The following PPP4R4 variants were observed in gnomAD, a reference collection of about 807,000 sequenced individuals.
PPP4R4 encodes protein phosphatase 4 regulatory subunit 4, also known as serine/threonine-protein phosphatase 4 regulatory subunit 4.
PPP4R4 carries 70 observed loss-of-function variants against 121.8 expected under a neutral mutation model. The ratio of observed to expected loss-of-function variants is 0.57; its 90% confidence interval spans 0.47 to 0.70. The LOEUF is 0.70. Ranked by LOEUF, PPP4R4 falls within the 30% of genes least tolerant of loss-of-function variation. The pLI is 0.00. For synonymous variants in PPP4R4, 348 were observed against 355.7 expected, an observed-to-expected ratio of 0.98 and a Z score of 0.24; for missense variants, 875 against 1,033.6, an observed-to-expected ratio of 0.85 and a Z score of 2.10.
chr14:94,260,419 C>G (rs1893721118), intron 19 of PPP4R4, among the ~76,000 whole-genome samples: 2 of 152,072 alleles, frequency 1.3e-5, no homozygotes, highest in South Asian at 4.1e-4. Flanking sequence ...GAGTGAGACT[C>G]TGTCCCCCCA....
In PPP4R4 at chr14:94,264,829, A is replaced by C. The variant is rs772758643; in HGVS notation, c.2128-49A>C. Reference sequence around the variant, plus strand: ...GCTTAATTTCTCAGAACAATTTTCTAGACCTACTTCAGTTGTACCTTTAAT... The same window carrying C: ...GCTTAATTTCTCAGAACAATTTTCTCGACCTACTTCAGTTGTACCTTTAAT... On this transcript the variant is annotated intron_variant, in intron 19 of 24. Transcript: ENST00000304338. 1.5e-6 allele frequency: 2 copies of C among 1,361,610 alleles called. 1 individual carries two copies. The highest frequency in any genetic ancestry group is 4.3e-5 in the Admixed American group (2 of 46,236). The allele number at this position is 1,361,610 out of a possible 1,614,324, so 84.3% of individuals were successfully genotyped here. A position where few individuals can be genotyped will look rare whatever the true frequency, so the allele number is the denominator to read the frequency against.
intron 2 of PPP4R4, among the ~76,000 whole-genome samples, chr14:94,208,122 G>T (rs1890559944): frequency 6.6e-6 from 1 of 151,744 alleles, no homozygotes; most frequent in Non-Finnish European, 1.5e-5. Flanking sequence ...ATAAAGTATG[G>T]CAAACTGGCA....
chr14:94,231,005 A>G (rs1448560822), intron 4 of PPP4R4, among the ~76,000 whole-genome samples: 3 of 152,184 alleles, frequency 2.0e-5, no homozygotes, highest in Non-Finnish European at 4.4e-5. Context: ...TGTTTATAGT[A>G]TTGTACAATA....
chr14:94,204,125 A>G (rs145574842), intron 2 of PPP4R4, among the ~76,000 whole-genome samples: 1 of 152,190 alleles, frequency 6.6e-6, no homozygotes, highest in East Asian at 1.9e-4. Flanking sequence ...TCTAGAAGCT[A>G]TTTGCCCATG....
At chr14:94,243,692 A>G (rs1297099230) in intron 11 of PPP4R4, among the ~76,000 whole-genome samples, 1 of 152,066 alleles carries the variant, frequency 6.6e-6, no homozygotes, top group East Asian at 1.9e-4. Context: ...CTGGGTGGCT[A>G]GTTTCCATAT....
intron 20 of PPP4R4, 69 bp from the exon 21 acceptor site, chr14:94,265,318 C>CTTG (rs1394765004): frequency 6.2e-6 from 7 of 1,129,266 alleles, no homozygotes; most frequent in Non-Finnish European, 9.3e-6. Context: ...TCTGAGTTGT[C>CTTG]TTGTGTATTT....
rs538512906 is a variant in PPP4R4 at position 94,248,122 on chromosome 14, G to T, written c.1611+1583G>T. 2.1e-3 allele frequency among the ~76,000 whole-genome samples: 323 copies of T among 152,216 alleles called. 1 individual carries two copies. The highest frequency in any genetic ancestry group is 4.3e-3 in the Admixed American group (66 of 15,280). On this transcript the variant is annotated intron_variant, in intron 14 of 24. Transcript: ENST00000304338. ...CAAATAGGAAAAGAGGAAGTCAAATGATCTCTCTTTGCTGATGATATGATT... is the reference window on the plus strand; with the variant it reads ...CAAATAGGAAAAGAGGAAGTCAAATTATCTCTCTTTGCTGATGATATGATT...
At chr14:94,242,218 A>C in intron 10 of PPP4R4, 71 bp from the exon 11 acceptor site, 2 of 1,498,622 alleles carry the variant, frequency 1.3e-6, no homozygotes, top group South Asian at 2.4e-5. Flanking sequence ...AAGTGAAACG[A>C]TTATAATATT....
At chr14:94,213,988 CT>C (rs1890883936) in intron 3 of PPP4R4, among the ~76,000 whole-genome samples, 1 of 152,158 alleles carries the variant, frequency 6.6e-6, no homozygotes, top group Admixed American at 6.5e-5. Flanking sequence ...CCTTTGTGAC[CT>C]CATCATCTGC....
intron 23 of PPP4R4, among the ~76,000 whole-genome samples, chr14:94,271,686 G>A (rs1894338975): frequency 6.6e-6 from 1 of 152,134 alleles, no homozygotes; most frequent in Admixed American, 6.5e-5. Flanking sequence ...GATTTTGGAA[G>A]GAAGAACTCA....
rs564859944 is a variant in PPP4R4, at chr14:94,272,680, GA to G, written c.2450-2689del. 8.8e-4 allele frequency among the ~76,000 whole-genome samples: 134 copies of G among 152,178 alleles called. 3 individuals are homozygous for G. The East Asian group carries it at 0.023, about 26-fold the overall frequency. On this transcript the variant is annotated intron_variant, in intron 23 of 24. Coordinates refer to ENST00000304338, the MANE Select transcript of PPP4R4 (RefSeq NM_058237.2). ...TTCATTAAAATTAAAACTACTATTT[GA>G]AAAATACTGTCAAGAGAATGAGAAG...
chr14:94,256,343 A>C (rs1893471681), intron 16 of PPP4R4, 117 bp from the exon 17 acceptor site: 1 of 783,874 alleles, frequency 1.3e-6, no homozygotes. Flanking sequence ...ACACTCCATG[A>C]ATATATCTTG....
At chr14:94,236,166 GAA>G (rs1892336965) in intron 7 of PPP4R4, among the ~76,000 whole-genome samples, 1 of 152,116 alleles carries the variant, frequency 6.6e-6, no homozygotes, top group African/African-American at 2.4e-5. Context: ...CACAATTAAT[GAA>G]AGAGTTATCT....
chr14:94,258,882 CAT>C, intron 18 of PPP4R4, 58 bp downstream of exon 18: 3 of 1,437,002 alleles, frequency 2.1e-6, no homozygotes, highest in Non-Finnish European at 9.7e-7. Flanking sequence ...CTGAAAAAGA[CAT>C]ACCCAAGACT....
Position 94,208,430 on chromosome 14 carries a change from A to G in PPP4R4, c.192-34A>G, listed in dbSNP as rs750766024. 5 of 1,490,460 alleles carry G rather than the reference A, an allele frequency of 3.4e-6. No individual in the cohort carries two copies. In the East Asian group the frequency reaches 1.2e-4, roughly 34 times the overall value. 92.3% of individuals were successfully genotyped at this position (1,490,460 alleles called of 1,614,324 possible). ...ACTGTGCAGAGGAATTCAGCTTATAATTATAAATTTTAAATTTGTGTTTTC... is the reference window on the plus strand; with the variant it reads ...ACTGTGCAGAGGAATTCAGCTTATAGTTATAAATTTTAAATTTGTGTTTTC... On this transcript the variant is annotated intron_variant, in intron 2 of 24. Coordinates refer to ENST00000304338, the MANE Select transcript of PPP4R4 (RefSeq NM_058237.2).
Position 94,241,787 on chromosome 14 carries a change from G to T in PPP4R4, c.977-1G>T. On this transcript the variant is annotated splice_acceptor_variant, in intron 9 of 24. Coordinates refer to ENST00000304338, the MANE Select transcript of PPP4R4 (RefSeq NM_058237.2). LOFTEE classifies it high-confidence loss of function. Reference sequence around the variant, plus strand: ...GAGCTAGTTTTTTATATTTGTTTTAGGAATTTTCACTCCAGATCAGCACTT... The same window carrying T: ...GAGCTAGTTTTTTATATTTGTTTTATGAATTTTCACTCCAGATCAGCACTT... 4 of 1,538,412 alleles carry T rather than the reference G, an allele frequency of 2.6e-6. No individual in the cohort carries two copies. The highest frequency in any genetic ancestry group is 1.3e-5 in the South Asian group (1 of 78,532).
rs761152577 is a variant in PPP4R4 at position 94,208,581 on chromosome 14, A to C, written c.294+15A>C. The C allele has an allele frequency of 2.5e-6, 4 of 1,582,016 alleles. No individual in the cohort carries two copies. The Admixed American group carries it at 6.7e-5, about 27-fold the overall frequency. ...CAAAAGTCAGAGTAAGTTGGTATGA[A>C]ATAAGATTGGAGTTTCCCATTTTTT... On this transcript the variant is annotated intron_variant, in intron 3 of 24. Coordinates refer to ENST00000304338, the MANE Select transcript of PPP4R4 (RefSeq NM_058237.2).
intron 5 of PPP4R4, among the ~76,000 whole-genome samples, chr14:94,232,028 C>G (rs1206271295): frequency 1.3e-5 from 2 of 152,192 alleles, no homozygotes; most frequent in Non-Finnish European, 2.9e-5. Flanking sequence ...CCTTTAATCA[C>G]TATTTATATG....
chr14:94,179,308 C>T (rs953121949), intron 2 of PPP4R4, among the ~76,000 whole-genome samples: 15 of 152,172 alleles, frequency 9.9e-5, no homozygotes, highest in Non-Finnish European at 1.9e-4. Flanking sequence ...TTCCTAAACA[C>T]GGAATCATAC....
Sources: allele counts gnomAD v4.1 joint callset (sites outside exome capture counted in the v4.1 genomes callset), GRCh38; gene constraint gnomAD v4.1.1; transcripts MANE v1.5; gene names NCBI Gene and HGNC (gene_info 2026-07-23, HGNC 2026-07-21).